Variants in PLOD3 observed in about 807,000 individuals in gnomAD.
PLOD3 encodes the protein multifunctional procollagen lysine hydroxylase and glycosyltransferase LH3.
A neutral mutation model predicts 96.9 loss-of-function variants in PLOD3; 73 were observed. The ratio of observed to expected loss-of-function variants is 0.75; its 90% confidence interval spans 0.62 to 0.92. The LOEUF is 0.92. Ranked by LOEUF, PLOD3 falls within the 40% of genes least tolerant of loss-of-function variation. PLOD3 has a pLI of 0.00. For synonymous variants in PLOD3, 454 were observed against 413.7 expected (o/e 1.10, Z -1.18); for missense variants, 1,004 against 1,004.3 (o/e 1.00, Z 0.00).
intron 12 of PLOD3, chr7:101,210,938 T>C (rs1272235728): frequency 2.2e-6 from 1 of 459,396 alleles, no homozygotes; most frequent in Non-Finnish European, 4.0e-6. Flanking sequence ...TGGAATGCAG[T>C]GGTGTGATCT....
chr7:101,216,566 G>C lies in PLOD3; in HGVS notation c.202-20C>G. On this transcript the variant is annotated intron_variant, in intron 2 of 18. Coordinates refer to ENST00000223127, the MANE Select transcript of PLOD3 (RefSeq NM_001084.5). ...CAGGGTCTGTGGAGAAGATTGCCCCGTGCCAGGCAAGGGGTGGGGAGTTGT... is the reference window on the plus strand; with the variant it reads ...CAGGGTCTGTGGAGAAGATTGCCCCCTGCCAGGCAAGGGGTGGGGAGTTGT... 6.2e-7 allele frequency: 1 copy of C among 1,613,736 alleles called. No homozygotes were observed. The highest frequency in any genetic ancestry group is 8.5e-7 in the Non-Finnish European group (1 of 1,179,894).
intron 13 of PLOD3, 33 bp from the exon 14 acceptor site, chr7:101,210,477 C>T: frequency 6.2e-7 from 1 of 1,613,808 alleles, no homozygotes; most frequent in Non-Finnish European, 8.5e-7. Context: ...GTGATGCAGG[C>T]GATGCCTGGA....
chr7:101,211,466 C>T, intron 12 of PLOD3, 125 bp downstream of exon 12: 1 of 978,718 alleles, frequency 1.0e-6, no homozygotes, highest in Non-Finnish European at 1.5e-6. Flanking sequence ...AAAGTGTGAG[C>T]CACTGCAGCC....
chr7:101,210,967 A>C, intron 12 of PLOD3: 1 of 380,678 alleles, frequency 2.6e-6, no homozygotes, highest in South Asian at 2.7e-5. Flanking sequence ...TGCAACCTCC[A>C]CCTCCCAGGT....
chr7:101,210,362 G>A lies in PLOD3; in HGVS notation c.1583C>T (p.Pro528Leu). ...GTTGTCGAAGATCTGCCAGAGGTCG[G>A]GGTGCAGGTGCTCCGTGTCGTATCT... ...TSRYDTEHLHPDLWQIFDNPV... is the reference protein window; with the variant it reads ...TSRYDTEHLHLDLWQIFDNPV... The change falls in exon 14 of 19, where the codon CCC becomes CTC. Residue 528 changes from proline (P) to leucine (L), a missense_variant. Coordinates refer to ENST00000223127, the MANE Select transcript of PLOD3 (RefSeq NM_001084.5). The A allele has an allele frequency of 1.2e-6, 2 of 1,614,144 alleles. No homozygotes were observed. Among genetic ancestry groups the A allele is most frequent in the Non-Finnish European group, 1.7e-6 (2 of 1,179,988 alleles).
intron 6 of PLOD3, among the ~76,000 whole-genome samples, chr7:101,213,865 A>T (rs973044369): frequency 6.6e-6 from 1 of 151,722 alleles, no homozygotes; most frequent in Non-Finnish European, 1.5e-5. Context: ...TGCCCGGCTA[A>T]TTTTTGTGTT....
chr7:101,206,884 A>G lies in PLOD3; in HGVS notation c.1956T>C (p.Phe652=), dbSNP rs1293750375. 3 of 1,559,332 alleles carry G rather than the reference A, an allele frequency of 1.9e-6. No homozygotes were observed. Among genetic ancestry groups the G allele is most frequent in the Non-Finnish European group, 2.6e-6 (3 of 1,151,168 alleles). ...GCTCGTCTGGCCGGTAGCGAACCAC[A>G]AAGTTCATCACCGCCCGCGCCTGGG... ...YHTKARAVMN[F]VVRYRPDEQP... The change falls in exon 18 of 19, where the codon TTT becomes TTC. Residue 652 remains phenylalanine, a synonymous_variant. Transcript: ENST00000223127.
At position 101,212,880 on chromosome 7, in the gene PLOD3, A is replaced by C; in HGVS notation, c.841T>G (p.Phe281Val). Reference sequence around the variant, plus strand: ...AGTGTCCTCCGGTCCTGGTTGCAGAAGCCACAGCCTCCCTCAGGAGTCCAG... The same window carrying C: ...AGTGTCCTCCGGTCCTGGTTGCAGACGCCACAGCCTCCCTCAGGAGTCCAG... ...NGWTPEGGCG[F>V]CNQDRRTLPG... Residue 281 changes from phenylalanine (F) to valine (V), a missense_variant, in exon 8 of 19, where the codon TTC becomes GTC. By Grantham distance (50) the Phe-to-Val change is conservative. Around this residue, in one of 5 missense-constraint regions of PLOD3, gnomAD observed 690 missense variants for 650.2 expected, o/e 1.06. Transcript: ENST00000223127. The C allele has an allele frequency of 6.8e-6, 11 of 1,613,770 alleles. No homozygotes were observed. The highest frequency in any genetic ancestry group is 9.3e-6 in the Non-Finnish European group (11 of 1,179,810).
intron 8 of PLOD3, 29 bp downstream of exon 8, chr7:101,212,813 C>T (rs201341156): frequency 1.7e-5 from 27 of 1,581,536 alleles, no homozygotes; most frequent in East Asian, 2.2e-5. Flanking sequence ...GCTGCCCTCT[C>T]GTGCCCCTCC....
rs1175930561 is a variant in PLOD3, at chr7:101,216,313, G to A, written c.352C>T (p.Leu118=). ...AGCAGCTCTGTGGGGCTGCCGGCCA[G>A]AATCACGTCGTAGCTGGGTGAGGAA... is the stretch of plus-strand genomic sequence containing the variant. ...IMFVDSYDVI[L]AGSPTELLKK... The change falls in exon 4 of 19, where the codon CTG becomes TTG. Residue 118 remains leucine (L), a synonymous_variant. Coordinates refer to ENST00000223127, the MANE Select transcript of PLOD3 (RefSeq NM_001084.5). The A allele has an allele frequency of 6.2e-7, 1 of 1,613,236 alleles. No individual in the cohort carries two copies. Among genetic ancestry groups the A allele is most frequent in the Non-Finnish European group, 8.5e-7 (1 of 1,180,046 alleles).
chr7:101,207,920 G>A (rs1323921931), intron 16 of PLOD3, among the ~76,000 whole-genome samples, 196 bp from the exon 17 acceptor site: 1 of 152,144 alleles, frequency 6.6e-6, no homozygotes, highest in African/African-American at 2.4e-5. Flanking sequence ...CACCTGTCCT[G>A]TGAAGCTCCC....
At chr7:101,211,993 C>T (rs185717026) in intron 10 of PLOD3, 43 bp from the exon 11 acceptor site, 19 of 1,369,484 alleles carry the variant, frequency 1.4e-5, no homozygotes, top group Admixed American at 3.8e-5. Flanking sequence ...GGTGGGGAGG[C>T]GGTGTGGATG....
chr7:101,212,160 G>T, intron 10 of PLOD3, 93 bp downstream of exon 10: 4 of 1,521,202 alleles, frequency 2.6e-6, no homozygotes, highest in Non-Finnish European at 2.7e-6. Context: ...GGCTGGATGG[G>T]TGACAGGTGA....
intron 6 of PLOD3, chr7:101,213,498 C>A: frequency 2.4e-6 from 1 of 421,658 alleles, no homozygotes; most frequent in Non-Finnish European, 4.3e-6. Flanking sequence ...CATATTCTCT[C>A]TCTCCTTGTT....
At position 101,212,675 on chromosome 7, in the gene PLOD3, G is replaced by C; in HGVS notation, c.880-20C>G. 6.2e-7 allele frequency: 1 copy of C among 1,613,216 alleles called. No homozygotes were observed. Among genetic ancestry groups the C allele is most frequent in the Non-Finnish European group, 8.5e-7 (1 of 1,179,906 alleles). The stretch of plus-strand genomic sequence containing the variant: ...GGGAGGCTGGAAGATGCAACACGCA[G>C]GGACTCAGAGAGAAGCCCGGACTTC... On this transcript the variant is annotated intron_variant, in intron 8 of 18. Transcript: ENST00000223127.
chr7:101,210,054 T>C, intron 15 of PLOD3, 39 bp downstream of exon 15: 1 of 1,109,670 alleles, frequency 9.0e-7, no homozygotes. Flanking sequence ...GCGATGGCCA[T>C]GAGGGCAGGG....
In PLOD3 at chr7:101,206,276, G is replaced by C; in HGVS notation, c.*5C>G. ...GCAGGGCAGGTTTGGCAGAGTGGTT[G>C]AGTGTCAGGGGTCGACAAAGGACAC... On this transcript the variant is annotated 3_prime_UTR_variant, in exon 19 of 19. Transcript: ENST00000223127. 6.2e-7 allele frequency: 1 copy of C among 1,613,830 alleles called. No individual in the cohort carries two copies. The highest frequency in any genetic ancestry group is 1.6e-4 in the Middle Eastern group (1 of 6,062).
At position 101,206,186 on chromosome 7, in the gene PLOD3, G is replaced by T. The variant is rs1047785436; in HGVS notation, c.*95C>A. The T allele has an allele frequency of 4.9e-6, 6 of 1,223,480 alleles. No individual in the cohort carries two copies. The South Asian group carries it at 7.2e-5, about 15-fold the overall frequency. The allele number at this position is 1,223,480 out of a possible 1,614,324, so 75.8% of individuals were successfully genotyped here. A position where few individuals can be genotyped will look rare whatever the true frequency, so the allele number is the denominator to read the frequency against. On this transcript the variant is annotated 3_prime_UTR_variant, in exon 19 of 19. Transcript: ENST00000223127. ...CGCGGAACATGAACTCAGGAAGTGG[G>T]GAGACAGAGAGACCCATCCCCCAAC... is the stretch of plus-strand genomic sequence containing the variant.
In PLOD3 at chr7:101,212,941, C is replaced by T. The variant is rs1416206668; in HGVS notation, c.780G>A (p.Leu260=). 2 of 1,611,666 alleles carry T rather than the reference C, an allele frequency of 1.2e-6. No individual in the cohort carries two copies. Residue 260 remains leucine, a splice_region_variant and synonymous_variant, in exon 8 of 19, where the codon CTG becomes CTA. Transcript: ENST00000223127. ...CGTAGTTTCCCAGGTAGTTGAGCTG[C>T]AGCTGTTGGGGACAGACTGAGGCTG... ...IVVHGNGPTK[L]QLNYLGNYVP...
Sources: gnomAD v4.1 joint callset for allele counts (sites outside exome capture counted in the v4.1 genomes callset) on GRCh38, gnomAD v4.1.1 for gene constraint, gnomAD v4.1.1 regional missense constraint, MANE v1.5 for transcripts, NCBI Gene and HGNC (gene_info 2026-07-23, HGNC 2026-07-21) for gene names.